LHFPL3: variants seen among roughly 807,000 people sequenced by gnomAD.
LHFPL3 encodes the protein LHFPL tetraspan subfamily member 3 protein.
In LHFPL3, 5 loss-of-function variants were observed where a neutral mutation model predicts 19.3. The ratio of observed to expected loss-of-function variants is 0.26; its 90% CI spans 0.14 to 0.54. The LOEUF is 0.54. Ranked by LOEUF, LHFPL3 falls within the 20% of genes least tolerant of loss-of-function variation. The pLI is 0.94. For missense variants in LHFPL3, 249 were observed against 307.4 expected, an observed-to-expected ratio of 0.81 and a Z score of 1.42; for synonymous variants, 133 against 126.2, an observed-to-expected ratio of 1.05 and a Z score of -0.36.
At chr7:104,868,921 G>A (rs1487108281) in intron 2 of LHFPL3, among the ~76,000 whole-genome samples, 1 of 152,086 alleles carries the variant, frequency 6.6e-6, no homozygotes, top group Non-Finnish European at 1.5e-5. Flanking sequence ...AAATAATGCT[G>A]CATATCTACA....
chr7:104,725,175 C>T (rs949000715), intron 1 of LHFPL3, among the ~76,000 whole-genome samples: 7 of 152,174 alleles, frequency 4.6e-5, no homozygotes, highest in Non-Finnish European at 1.0e-4. Flanking sequence ...GTTAATTCTA[C>T]CTCTGTTTTT....
Position 104,568,906 on chromosome 7 carries a change from T to A in LHFPL3, c.446-167769T>A, listed in dbSNP as rs577827525. Among the ~76,000 whole-genome samples the A allele has an allele frequency of 6.6e-5, 10 of 152,362 alleles. No individual in the cohort carries two copies. The South Asian group carries it at 2.1e-3, about 32-fold the overall frequency. On this transcript the variant is annotated intron_variant, in intron 1 of 2. Transcript: ENST00000424859. ...TTCTTTGGGATGTAGAATAGCAGAA[T>A]GTTTTGGCTAAATATTAAAGCATGT...
chr7:104,565,041 CTT>C (rs1199738896), intron 1 of LHFPL3, among the ~76,000 whole-genome samples: 10 of 152,170 alleles, frequency 6.6e-5, no homozygotes, highest in Admixed American at 6.5e-4. Flanking sequence ...AATTAAATAA[CTT>C]TGTGTGGCCT....
rs1791456679 is a variant in LHFPL3 at position 104,622,126 on chromosome 7, A to T, written c.446-114549A>T. ...CCTTTTCTTTTCTTTCTTTTTTTAGACATCTCTCTTTGTCACCCAGGCTGG... is the reference window on the plus strand; with the variant it reads ...CCTTTTCTTTTCTTTCTTTTTTTAGTCATCTCTCTTTGTCACCCAGGCTGG... On this transcript the variant is annotated intron_variant, in intron 1 of 2. Coordinates refer to ENST00000424859, the MANE Select transcript of LHFPL3 (RefSeq NM_199000.3). 2.0e-5 allele frequency among the ~76,000 whole-genome samples: 3 copies of T among 152,086 alleles called. No individual in the cohort carries two copies. In the South Asian group the frequency reaches 6.2e-4, roughly 32 times the overall value.
chr7:104,439,145 A>G (rs1350827405), intron 1 of LHFPL3, among the ~76,000 whole-genome samples: 2 of 152,190 alleles, frequency 1.3e-5, no homozygotes, highest in Admixed American at 6.5e-5. Context: ...TCACTGGTGA[A>G]TTAAGGAAGG....
At chr7:104,476,069 T>A (rs1793006724) in intron 1 of LHFPL3, among the ~76,000 whole-genome samples, 1 of 152,238 alleles carries the variant, frequency 6.6e-6, no homozygotes, top group Admixed American at 6.5e-5. Flanking sequence ...ATTTGTTTAT[T>A]GTTGGAAACA....
At chr7:104,618,479 C>T (rs1262588953) in intron 1 of LHFPL3, among the ~76,000 whole-genome samples, 1 of 152,170 alleles carries the variant, frequency 6.6e-6, no homozygotes, top group Admixed American at 6.5e-5. Flanking sequence ...GGCAGTCTGG[C>T]TCTGGAGTCC....
chr7:104,758,256 C>T (rs1794318730), intron 2 of LHFPL3, among the ~76,000 whole-genome samples: 1 of 152,144 alleles, frequency 6.6e-6, no homozygotes, highest in African/African-American at 2.4e-5. Flanking sequence ...TACTCACTAC[C>T]TGGGTAATCC....
At chr7:104,752,088 G>A (rs1312957802) in intron 2 of LHFPL3, among the ~76,000 whole-genome samples, 1 of 152,080 alleles carries the variant, frequency 6.6e-6, no homozygotes, top group African/African-American at 2.4e-5. Context: ...TCTTTAACCT[G>A]CGTTTGAGGT....
chr7:104,883,408 G>T (rs1036795652), intron 2 of LHFPL3, among the ~76,000 whole-genome samples: 31 of 152,174 alleles, frequency 2.0e-4, no homozygotes, highest in African/African-American at 7.5e-4. Context: ...GCAGCTGAGT[G>T]CATGATGAAT....
intron 1 of LHFPL3, among the ~76,000 whole-genome samples, chr7:104,339,909 C>A (rs1021117789): frequency 1.3e-5 from 2 of 152,092 alleles, no homozygotes; most frequent in African/African-American, 4.8e-5. Context: ...TCCATTCTTG[C>A]CCTCAATTAA....
intron 2 of LHFPL3, among the ~76,000 whole-genome samples, chr7:104,757,315 G>A (rs182532067): frequency 6.6e-6 from 1 of 152,140 alleles, no homozygotes; most frequent in East Asian, 1.9e-4. Context: ...TTATAACTAA[G>A]TCCTCAAAAG....
chr7:104,444,408 T>G (rs1176502424), intron 1 of LHFPL3, among the ~76,000 whole-genome samples: 1 of 152,214 alleles, frequency 6.6e-6, no homozygotes, highest in Non-Finnish European at 1.5e-5. Context: ...GACACCTGCC[T>G]TGAACATGTT....
chr7:104,629,921 T>C (rs1156515137), intron 1 of LHFPL3, among the ~76,000 whole-genome samples: 2 of 152,188 alleles, frequency 1.3e-5, no homozygotes, highest in Admixed American at 1.3e-4. Flanking sequence ...AGGGTATGGA[T>C]AATTTCTTTG....
At chr7:104,569,561 TTACTA>T (rs1294998627) in intron 1 of LHFPL3, among the ~76,000 whole-genome samples, 1 of 152,352 alleles carries the variant, frequency 6.6e-6, no homozygotes, top group East Asian at 1.9e-4. Context: ...AGTAAAATGT[TTACTA>T]TACGAAAATA....
chr7:104,807,593 C>G (rs1790387754), intron 2 of LHFPL3, among the ~76,000 whole-genome samples: 1 of 152,136 alleles, frequency 6.6e-6, no homozygotes, highest in South Asian at 2.1e-4. Flanking sequence ...GTTATTTAGC[C>G]CAATGCCTGT....
At chr7:104,889,015 G>GA (rs144597778) in intron 2 of LHFPL3, among the ~76,000 whole-genome samples, 37 of 151,112 alleles carry the variant, frequency 2.4e-4, no homozygotes, top group African/African-American at 7.0e-4. Context: ...AGAAAGAGAA[G>GA]AAAAAAAAGA....
At chr7:104,421,050 G>A (rs56113708) in intron 1 of LHFPL3, among the ~76,000 whole-genome samples, 16,196 of 152,166 alleles carry the variant, frequency 0.11, 1,013 homozygotes, top group East Asian at 0.26. Flanking sequence ...TGTGGTCCTT[G>A]CTATTTGTTG....
chr7:104,471,789 T>C (rs1247868535), intron 1 of LHFPL3, among the ~76,000 whole-genome samples: 2 of 152,232 alleles, frequency 1.3e-5, no homozygotes, highest in African/African-American at 4.8e-5. Flanking sequence ...TACTTTGAAA[T>C]TGAATTATAT....
Sources: gnomAD v4.1 joint callset for allele counts (sites outside exome capture counted in the v4.1 genomes callset) on GRCh38, gnomAD v4.1.1 for gene constraint, MANE v1.5 for transcripts, NCBI Gene and HGNC (gene_info 2026-07-23, HGNC 2026-07-21) for gene names.